BCAS3: variants seen among roughly 807,000 people sequenced by gnomAD.
BCAS3 encodes BCAS4/BCAS3 fusion.
Under a neutral mutation model 116.1 loss-of-function variants are expected in BCAS3, and 53 were observed. The observed-to-expected ratio is 0.46, with a 90% confidence interval of 0.37 to 0.57. The LOEUF (loss-of-function observed/expected upper bound fraction) is 0.57. BCAS3 is among the 20% of genes least tolerant of loss of function. The probability of loss-of-function intolerance (pLI) is 0.00; values close to 1 mark genes in which losing one functional copy is unlikely to be tolerated. For missense variants in BCAS3, 917 were observed against 1,165.4 expected, an observed-to-expected ratio of 0.79 and a Z score of 3.10; for synonymous variants, 391 against 408.2, an observed-to-expected ratio of 0.96 and a Z score of 0.51.
intron 12 of BCAS3, among the ~76,000 whole-genome samples, chr17:60,921,649 A>C (rs2059108169): frequency 6.6e-6 from 1 of 151,174 alleles, no homozygotes; most frequent in South Asian, 2.1e-4. Context: ...TTGACCACAC[A>C]TGGACATAAA....
chr17:60,928,186 CAG>C (rs2059461658), intron 13 of BCAS3, among the ~76,000 whole-genome samples: 1 of 152,114 alleles, frequency 6.6e-6, no homozygotes, highest in Non-Finnish European at 1.5e-5. Context: ...AATGCACAAA[CAG>C]GGTCTTAAGG....
Position 61,324,451 on chromosome 17 carries a change from T to G in BCAS3, c.2426-43876T>G, listed in dbSNP as rs1402956112. Among the ~76,000 whole-genome samples the G allele has an allele frequency of 6.6e-6, 1 of 152,164 alleles. No individual in the cohort carries two copies. Among genetic ancestry groups the G allele is most frequent in the Non-Finnish European group, 1.5e-5 (1 of 68,030 alleles). On this transcript the variant is annotated intron_variant, in intron 22 of 23. Transcript: ENST00000407086. The surrounding 1 kb of genome is among the most constrained non-coding windows in gnomAD (Gnocchi z 4.6). ...GTGTGGTAGTATTAATATATGTACA[T>G]GTAATATTTGTGTGCGTTTAATCCC... is the stretch of plus-strand genomic sequence containing the variant.
chr17:60,812,282 G>C (rs1446550309), intron 7 of BCAS3, among the ~76,000 whole-genome samples: 1 of 152,078 alleles, frequency 6.6e-6, no homozygotes, highest in East Asian at 1.9e-4. Flanking sequence ...ATTAGCAAGA[G>C]GACAAAAAAT....
Position 61,026,781 on chromosome 17 carries a change from A to C in BCAS3, c.1638-7885A>C. The C allele has an allele frequency of 8.0e-7, 1 of 1,254,426 alleles. No individual in the cohort carries two copies. Among genetic ancestry groups the C allele is most frequent in the Non-Finnish European group, 1.1e-6 (1 of 876,478 alleles). 77.7% of individuals were successfully genotyped at this position (1,254,426 alleles called of 1,614,324 possible). A position where few individuals can be genotyped will look rare whatever the true frequency, so the allele number is the denominator to read the frequency against. On this transcript the variant is annotated intron_variant, in intron 16 of 23. Coordinates refer to ENST00000407086, the MANE Select transcript of BCAS3 (RefSeq NM_017679.5). This position sits in a 1 kb window ranked among gnomAD's most constrained non-coding sequence, Gnocchi z 5.0. ...TTTTAGTTATTTTTATCCATACTCTATAACAGTATGATATACTTGTATTTG... is the reference window on the plus strand; with the variant it reads ...TTTTAGTTATTTTTATCCATACTCTCTAACAGTATGATATACTTGTATTTG...
Position 61,008,550 on chromosome 17 carries a change from A to G in BCAS3, c.1487-7201A>G, listed in dbSNP as rs970624817. Among the ~76,000 whole-genome samples, 3 of 151,592 alleles carry G rather than the reference A, an allele frequency of 2.0e-5. No homozygotes were observed. The highest frequency in any genetic ancestry group is 2.0e-4 in the Admixed American group (3 of 15,186). On this transcript the variant is annotated intron_variant, in intron 15 of 23. Coordinates refer to ENST00000407086, the MANE Select transcript of BCAS3 (RefSeq NM_017679.5). This position sits in a 1 kb window ranked among gnomAD's most constrained non-coding sequence, Gnocchi z 4.6. ...CATTGTATTCTTTGACAGAGTCAAG[A>G]AGTCAGAGCTTTTCAACTACAGAAT...
At chr17:60,721,053 G>A (rs1389676265) in intron 5 of BCAS3, among the ~76,000 whole-genome samples, 1 of 152,126 alleles carries the variant, frequency 6.6e-6, no homozygotes, top group African/African-American at 2.4e-5. Context: ...GAGCAAATAT[G>A]CAAGGGCATT....
intron 7 of BCAS3, among the ~76,000 whole-genome samples, chr17:60,835,548 G>T (rs1307025542): frequency 6.6e-6 from 1 of 151,984 alleles, no homozygotes; most frequent in Non-Finnish European, 1.5e-5. Flanking sequence ...CATTTCCACT[G>T]GTAGTTTATT....
At chr17:60,865,907 A>G (rs1334241767) in intron 7 of BCAS3, among the ~76,000 whole-genome samples, 3 of 152,130 alleles carry the variant, frequency 2.0e-5, no homozygotes, top group Admixed American at 2.0e-4. Context: ...AAGGTAGAAG[A>G]AATTCTAATT....
chr17:60,843,168 C>A (rs1599092257), intron 7 of BCAS3, among the ~76,000 whole-genome samples: 1 of 150,572 alleles, frequency 6.6e-6, no homozygotes, highest in Non-Finnish European at 1.5e-5. Context: ...AAAACTTATA[C>A]GTGCCCTTTT....
rs2076651220 is a variant in BCAS3 at position 61,136,548 on chromosome 17, T to G, written c.2425+51984T>G. On this transcript the variant is annotated intron_variant, in intron 22 of 23. Coordinates refer to ENST00000407086, the MANE Select transcript of BCAS3 (RefSeq NM_017679.5). The surrounding 1 kb of genome is among the most constrained non-coding windows in gnomAD (Gnocchi z 4.4). The stretch of plus-strand genomic sequence containing the variant: ...CCAAATATTGCCAAATGTCCCCTTG[T>G]GGACAAAATTGTCCCATTTATTTAT... Among the ~76,000 whole-genome samples the G allele has an allele frequency of 6.6e-6, 1 of 152,182 alleles. No homozygotes were observed. Among genetic ancestry groups the G allele is most frequent in the South Asian group, 2.1e-4 (1 of 4,830 alleles).
intron 11 of BCAS3, among the ~76,000 whole-genome samples, chr17:60,904,842 A>T (rs574371871): frequency 1.2e-4 from 18 of 152,314 alleles, no homozygotes; most frequent in African/African-American, 4.1e-4. Context: ...GGTTATTTTT[A>T]AAAAACTCAC....
In BCAS3 at chr17:61,286,818, A is replaced by C. The variant is rs1018456187; in HGVS notation, c.2426-81509A>C. On this transcript the variant is annotated intron_variant, in intron 22 of 23. Transcript: ENST00000407086. The surrounding 1 kb of genome is among the most constrained non-coding windows in gnomAD (Gnocchi z 4.8). ...CACTACAGAGATCCTGGCCAGGGTG[A>C]GGAAAGACAGAGAATGCTTTCTAGG... Among the ~76,000 whole-genome samples the C allele has an allele frequency of 1.3e-5, 2 of 152,164 alleles. No homozygotes were observed. Among genetic ancestry groups the C allele is most frequent in the African/African-American group, 4.8e-5 (2 of 41,436 alleles).
At chr17:60,872,279 T>C (rs1228059490) in intron 8 of BCAS3, among the ~76,000 whole-genome samples, 1 of 151,896 alleles carries the variant, frequency 6.6e-6, no homozygotes, top group Non-Finnish European at 1.5e-5. Flanking sequence ...TGTGTGTATA[T>C]AATATGTGCA....
intron 22 of BCAS3, among the ~76,000 whole-genome samples, chr17:61,225,387 C>T (rs1053877811): frequency 3.3e-5 from 5 of 152,138 alleles, no homozygotes; most frequent in African/African-American, 1.2e-4. Flanking sequence ...CCGGTGGATA[C>T]TATGTCAAAG....
Position 61,380,654 on chromosome 17 carries a change from C to T in BCAS3, c.2594-11323C>T. 1 of 1,358,400 alleles carries T rather than the reference C, an allele frequency of 7.4e-7. No individual in the cohort carries two copies. The highest frequency in any genetic ancestry group is 1.0e-6 in the Non-Finnish European group (1 of 974,268). 84.1% of individuals were successfully genotyped at this position (1,358,400 alleles called of 1,614,324 possible). A position where few individuals can be genotyped will look rare whatever the true frequency, so the allele number is the denominator to read the frequency against. ...CCCTCAAGAGGGTGCCCTCCTACCC[C>T]CTCGTGCCCAGGCCCAGGAGCACTC... On this transcript the variant is annotated intron_variant, in intron 23 of 23. Transcript: ENST00000407086. This position sits in a 1 kb window ranked among gnomAD's most constrained non-coding sequence, Gnocchi z 4.2.
chr17:61,060,374 A>G (rs1339009424), intron 19 of BCAS3, among the ~76,000 whole-genome samples: 1 of 151,460 alleles, frequency 6.6e-6, no homozygotes, highest in Non-Finnish European at 1.5e-5. Flanking sequence ...TGACCTCATG[A>G]GCCACCCCGC....
chr17:60,865,235 G>C (rs1294730485), intron 7 of BCAS3, among the ~76,000 whole-genome samples: 1 of 152,004 alleles, frequency 6.6e-6, no homozygotes, highest in Non-Finnish European at 1.5e-5. Flanking sequence ...GCACAGTAAA[G>C]TGAGGTGCAG....
At position 61,068,881 on chromosome 17, in the gene BCAS3, T is replaced by C. The variant is rs1450308678; in HGVS notation, c.2030-6039T>C. Among the ~76,000 whole-genome samples the C allele has an allele frequency of 6.6e-6, 1 of 152,206 alleles. No homozygotes were observed. Among genetic ancestry groups the C allele is most frequent in the African/African-American group, 2.4e-5 (1 of 41,454 alleles). On this transcript the variant is annotated intron_variant, in intron 19 of 23. Coordinates refer to ENST00000407086, the MANE Select transcript of BCAS3 (RefSeq NM_017679.5). The surrounding 1 kb of genome is among the most constrained non-coding windows in gnomAD (Gnocchi z 4.3). ...TCAAGGTTGTAAATTCTTTTTTCCA[T>C]GTGAACAGGTATGTCATTCCTTCCC...
At chr17:61,001,488 T>G (rs1197701836) in intron 15 of BCAS3, among the ~76,000 whole-genome samples, 1 of 152,190 alleles carries the variant, frequency 6.6e-6, no homozygotes, top group African/African-American at 2.4e-5. Context: ...TAATGTGATG[T>G]TTCTTGACTT....
Sources: allele counts gnomAD v4.1 joint callset (sites outside exome capture counted in the v4.1 genomes callset), GRCh38; gene constraint gnomAD v4.1.1; non-coding constraint Gnocchi (gnomAD v3.1); transcripts MANE v1.5; gene names NCBI Gene and HGNC (gene_info 2026-07-23, HGNC 2026-07-21).